Variants in GRM4 observed in about 807,000 individuals in gnomAD.
GRM4 encodes metabotropic glutamate receptor 4.
A neutral mutation model predicts 81.7 loss-of-function variants in GRM4; 28 were observed. The observed-to-expected ratio is 0.34, with a 90% CI of 0.25 to 0.47. The LOEUF (loss-of-function observed/expected upper bound fraction) is 0.47. GRM4 is among the 20% of genes least tolerant of loss of function. The probability of loss-of-function intolerance (pLI) is 1.00; values close to 1 mark genes in which losing one functional copy is unlikely to be tolerated. For synonymous variants in GRM4, 488 were observed against 528.8 expected (o/e 0.92, Z 1.06); for missense variants, 948 against 1,290.0 (o/e 0.73, Z 4.06).
intron 3 of GRM4, among the ~76,000 whole-genome samples, chr6:34,067,785 G>A (rs369215186): frequency 1.3e-5 from 2 of 152,078 alleles, no homozygotes; most frequent in East Asian, 3.9e-4. Context: ...AGGAGACAGT[G>A]CTCCGGGTCA....
At chr6:34,060,826 G>A (rs1226834484) in intron 4 of GRM4, 1 of 152,274 alleles carries the variant, frequency 6.6e-6, no homozygotes, top group Non-Finnish European at 1.5e-5. Flanking sequence ...AGGGTGTCAG[G>A]ATGGGGCTTG....
chr6:34,040,152 C>T (rs770760944), intron 8 of GRM4, 26 bp downstream of exon 8: 46 of 1,610,206 alleles, frequency 2.9e-5, no homozygotes, highest in Non-Finnish European at 3.8e-5. Flanking sequence ...AGTCACTCTC[C>T]ACCCACTCCC....
Position 34,028,000 on chromosome 6 carries a change from G to A in GRM4, c.2689+120C>T, listed in dbSNP as rs1227861126. The A allele has an allele frequency of 7.8e-6, 9 of 1,153,838 alleles. No homozygotes were observed. In the Admixed American group the frequency reaches 7.9e-5, roughly 10 times the overall value. 71.5% of individuals were successfully genotyped at this position (1,153,838 alleles called of 1,614,324 possible). A position where few individuals can be genotyped will look rare whatever the true frequency, so the allele number is the denominator to read the frequency against. ...CAGGGTTCCCCCAGTGTCCCCCGCC[G>A]CCTCCCCAGGATGGGGCATCGGGGC... On this transcript the variant is annotated intron_variant, in intron 10 of 10. Coordinates refer to ENST00000538487, the MANE Select transcript of GRM4 (RefSeq NM_000841.4).
chr6:34,112,102 A>G (rs924828784), intron 2 of GRM4, among the ~76,000 whole-genome samples: 1 of 152,140 alleles, frequency 6.6e-6, no homozygotes, highest in Non-Finnish European at 1.5e-5. Flanking sequence ...ATTTGTTTTA[A>G]TAATCCTGCT....
chr6:34,140,804 T>C (rs1342401574), intron 1 of GRM4, among the ~76,000 whole-genome samples: 3 of 152,236 alleles, frequency 2.0e-5, no homozygotes, highest in African/African-American at 4.8e-5. Flanking sequence ...ATACTGCTTC[T>C]TCCTCTCTCC....
intron 3 of GRM4, among the ~76,000 whole-genome samples, chr6:34,071,995 A>C (rs1172299158): frequency 6.7e-6 from 1 of 150,316 alleles, no homozygotes; most frequent in Admixed American, 6.6e-5. Flanking sequence ...ACATCACCAC[A>C]AAAATACACA....
chr6:34,081,910 G>A (rs1215824526), intron 3 of GRM4, among the ~76,000 whole-genome samples: 1 of 152,238 alleles, frequency 6.6e-6, no homozygotes. Context: ...TCAGCAAACA[G>A]GTGAAGACGC....
Position 34,020,538 on chromosome 6 carries a change from C to T in GRM4, c.*2283G>A, listed in dbSNP as rs974179018. On this transcript the variant is annotated 3_prime_UTR_variant, in exon 11 of 11. Transcript: ENST00000538487. ...TCCCCATCCCTACCCCCCACCCCCC[C>T]ACCCCCAACTGCCCTGGAAGCTTTT... 3 of 141,850 alleles carry T rather than the reference C, an allele frequency of 2.1e-5. No homozygotes were observed. The highest frequency in any genetic ancestry group is 5.0e-4 in the East Asian group (2 of 4,022). 8.8% of individuals were successfully genotyped at this position (141,850 alleles called of 1,614,324 possible).
rs932371743 is a variant in GRM4 at position 34,058,548 on chromosome 6, G to A, written c.1027+426C>T. On this transcript the variant is annotated intron_variant, in intron 5 of 10. Transcript: ENST00000538487. ...TGTGAGGTTCTGGCCAGAGAAGTTCGTTCCTGCCCAGGTGACTGTGGGTTC... is the reference window on the plus strand; with the variant it reads ...TGTGAGGTTCTGGCCAGAGAAGTTCATTCCTGCCCAGGTGACTGTGGGTTC... Among the ~76,000 whole-genome samples, 9 of 152,156 alleles carry A rather than the reference G, an allele frequency of 5.9e-5. No individual in the cohort carries two copies. In the South Asian group the frequency reaches 1.0e-3, roughly 18 times the overall value.
At chr6:34,100,790 C>T (rs904008515) in intron 2 of GRM4, among the ~76,000 whole-genome samples, 19 of 152,244 alleles carry the variant, frequency 1.2e-4, no homozygotes, top group Non-Finnish European at 2.6e-4. Flanking sequence ...ACATGTCTAT[C>T]GCTTCTGTCC....
At chr6:34,125,558 G>T (rs560905317) in intron 2 of GRM4, among the ~76,000 whole-genome samples, 58 of 152,342 alleles carry the variant, frequency 3.8e-4, no homozygotes, top group African/African-American at 1.1e-3. Context: ...CAAGCTGCTA[G>T]GCTTGAGAGC....
intron 2 of GRM4, chr6:34,102,020 A>G: frequency 6.5e-7 from 1 of 1,535,484 alleles, no homozygotes; most frequent in Non-Finnish European, 8.7e-7. Context: ...CAGGATCCTT[A>G]CCTGTCCTCC....
At position 34,058,770 on chromosome 6, in the gene GRM4, G is replaced by A. The variant is rs553161850; in HGVS notation, c.1027+204C>T. 3.9e-5 allele frequency among the ~76,000 whole-genome samples: 6 copies of A among 152,326 alleles called. No individual in the cohort carries two copies. The South Asian group carries it at 6.2e-4, about 16-fold the overall frequency. ...CTGAGAAGAGAGGAGGGAAGGTCTT[G>A]AATCTGGATTCAAATTCTGCTTTGT... On this transcript the variant is annotated intron_variant, in intron 5 of 10. Transcript: ENST00000538487.
At chr6:34,145,109 C>A (rs1290467861) in intron 1 of GRM4, among the ~76,000 whole-genome samples, 3 of 152,046 alleles carry the variant, frequency 2.0e-5, no homozygotes, top group African/African-American at 7.2e-5. Flanking sequence ...AAGGTTTAAG[C>A]CGCGGCGAGG....
intron 2 of GRM4, among the ~76,000 whole-genome samples, chr6:34,128,287 T>C (rs1331466130): frequency 6.6e-6 from 1 of 151,914 alleles, no homozygotes; most frequent in African/African-American, 2.4e-5. Flanking sequence ...AAGGCCCAGC[T>C]ACAAGCTGTG....
chr6:34,142,050 C>G (rs1344866360), intron 1 of GRM4, among the ~76,000 whole-genome samples: 3 of 152,224 alleles, frequency 2.0e-5, no homozygotes, highest in African/African-American at 7.2e-5. Flanking sequence ...CCCCTGCTAA[C>G]TACAGCAGAG....
chr6:34,102,182 G>T (rs1428120609), intron 2 of GRM4: 1 of 1,531,706 alleles, frequency 6.5e-7, no homozygotes, highest in East Asian at 2.4e-5. Flanking sequence ...GCAATAATAG[G>T]TCTCCCCACT....
chr6:34,107,331 A>G (rs1248935266), intron 2 of GRM4, among the ~76,000 whole-genome samples: 1 of 152,144 alleles, frequency 6.6e-6, no homozygotes, highest in Non-Finnish European at 1.5e-5. Context: ...CCCATGATGG[A>G]CACATTCAGA....
Position 34,035,889 on chromosome 6 carries a change from T to G in GRM4, c.2221A>C (p.Arg741=). The change falls in exon 9 of 11, where the codon AGG becomes CGG. Residue 741 remains arginine (R), a synonymous_variant. Coordinates refer to ENST00000538487, the MANE Select transcript of GRM4 (RefSeq NM_000841.4). This position sits in a 1 kb window ranked among gnomAD's most constrained non-coding sequence, Gnocchi z 6.6. ...DQRTLDPRFA[R]GVLKCDISDL... ...GAGATGTCACACTTGAGCACACCCC[T>G]GGCGAAGCGGGGGTCGAGTGTCCGC... is the stretch of plus-strand genomic sequence containing the variant. 1.2e-6 allele frequency: 2 copies of G among 1,608,378 alleles called. No homozygotes were observed. Among genetic ancestry groups the G allele is most frequent in the Non-Finnish European group, 1.7e-6 (2 of 1,175,414 alleles).
Sources: gnomAD v4.1 joint callset for allele counts (sites outside exome capture counted in the v4.1 genomes callset) on GRCh38, gnomAD v4.1.1 for gene constraint, Gnocchi (gnomAD v3.1) non-coding constraint, MANE v1.5 for transcripts, NCBI Gene and HGNC (gene_info 2026-07-23, HGNC 2026-07-21) for gene names.